Variants in PPFIA2 observed in about 807,000 individuals in gnomAD.
PPFIA2 encodes liprin-alpha-2.
A neutral mutation model predicts 175.5 loss-of-function variants in PPFIA2; 46 were observed. That is an observed-to-expected ratio of 0.26 (90% confidence interval 0.21 to 0.34). The LOEUF (loss-of-function observed/expected upper bound fraction) is 0.34, where lower values mean the gene tolerates loss of function less well. PPFIA2 is among the 10% of genes least tolerant of loss of function. The pLI, the probability that PPFIA2 is intolerant of heterozygous loss-of-function variation, is 1.00. For missense variants in PPFIA2, 1,179 were observed against 1,506.1 expected, an observed-to-expected ratio of 0.78 and a Z score of 3.60; for synonymous variants, 568 against 511.4, an observed-to-expected ratio of 1.11 and a Z score of -1.49.
intron 17 of PPFIA2, among the ~76,000 whole-genome samples, chr12:81,351,815 G>A (rs996420533): frequency 2.6e-5 from 4 of 151,920 alleles, no homozygotes; most frequent in African/African-American, 9.7e-5. Context: ...TGAGGTGGGA[G>A]AATTGCTTGA....
In PPFIA2 at chr12:81,533,715, CTATCTATCTATCTATCTATCTATA is replaced by C. The variant is rs751752310; in HGVS notation, c.304-75873_304-75850del. Reference sequence around the variant, plus strand: ...CAAATCTATCTATCTATCTATCTATCTATCTATCTATCTATCTATCTATATATCTATCTATCTACATATATATAT... The same window carrying C: ...CAAATCTATCTATCTATCTATCTATCTATCTATCTATCTACATATATATAT... On this transcript the variant is annotated intron_variant, in intron 4 of 32. Coordinates refer to ENST00000549396, the MANE Select transcript of PPFIA2 (RefSeq NM_003625.5). Among the ~76,000 whole-genome samples, 355 of 136,006 alleles carry C rather than the reference CTATCTATCTATCTATCTATCTATA, an allele frequency of 2.6e-3. 2 individuals are homozygous for C. Among genetic ancestry groups the C allele is most frequent in the African/African-American group, 5.4e-3 (192 of 35,422 alleles). The allele number at this position is 136,006 out of a possible 152,430, so 89.2% of individuals were successfully genotyped here.
At chr12:81,524,803 A>T (rs1171441717) in intron 4 of PPFIA2, among the ~76,000 whole-genome samples, 1 of 152,208 alleles carries the variant, frequency 6.6e-6, no homozygotes, top group East Asian at 1.9e-4. Context: ...CTTAAAATTC[A>T]TATGTTCAAA....
chr12:81,556,116 A>G (rs2068814969), intron 4 of PPFIA2, among the ~76,000 whole-genome samples: 4 of 152,042 alleles, frequency 2.6e-5, no homozygotes, highest in African/African-American at 9.6e-5. Context: ...TTTGGCTACT[A>G]TTTCCAAATA....
chr12:81,407,271 G>T (rs1375667996), intron 7 of PPFIA2, among the ~76,000 whole-genome samples: 1 of 152,030 alleles, frequency 6.6e-6, no homozygotes, highest in Non-Finnish European at 1.5e-5. Flanking sequence ...GATCACTTGA[G>T]GTCAGGAGTT....
intron 4 of PPFIA2, among the ~76,000 whole-genome samples, chr12:81,544,425 A>G (rs1368236139): frequency 2.6e-5 from 4 of 152,156 alleles, no homozygotes; most frequent in Non-Finnish European, 2.9e-5. Context: ...GTTTTTATGC[A>G]AATGACTATT....
intron 6 of PPFIA2, among the ~76,000 whole-genome samples, chr12:81,443,400 A>C (rs2050592519): frequency 1.3e-5 from 2 of 152,144 alleles, no homozygotes; most frequent in African/African-American, 4.8e-5. Flanking sequence ...AATGTTCAGA[A>C]TACCTATGGT....
At chr12:81,679,464 A>G (rs1171819255) in intron 3 of PPFIA2, among the ~76,000 whole-genome samples, 2 of 151,864 alleles carry the variant, frequency 1.3e-5, no homozygotes, top group African/African-American at 2.4e-5. Context: ...TTGATCATTA[A>G]GATTTCTTAT....
chr12:81,645,835 T>A (rs1282356465), intron 4 of PPFIA2, among the ~76,000 whole-genome samples: 1 of 152,234 alleles, frequency 6.6e-6, no homozygotes, highest in Non-Finnish European at 1.5e-5. Context: ...CCAAGGGAAG[T>A]CTGCACCTGC....
intron 4 of PPFIA2, among the ~76,000 whole-genome samples, chr12:81,639,180 T>C (rs1273700211): frequency 6.6e-6 from 1 of 152,122 alleles, no homozygotes; most frequent in Admixed American, 6.5e-5. Context: ...ATCTCTCTCA[T>C]GAAGAAACAA....
intron 4 of PPFIA2, among the ~76,000 whole-genome samples, chr12:81,507,621 A>C (rs2061321116): frequency 6.6e-6 from 1 of 152,204 alleles, no homozygotes. Context: ...CACATCCAGC[A>C]TATAACCACT....
chr12:81,527,235 TTTTC>T (rs2063832605), intron 4 of PPFIA2, among the ~76,000 whole-genome samples: 2 of 152,130 alleles, frequency 1.3e-5, no homozygotes, highest in African/African-American at 4.8e-5. Flanking sequence ...GCATCATTAC[TTTTC>T]TTTCTTTCCT....
intron 4 of PPFIA2, among the ~76,000 whole-genome samples, chr12:81,580,755 G>A (rs375610978): frequency 4.7e-4 from 71 of 151,518 alleles, no homozygotes; most frequent in African/African-American, 1.6e-3. Flanking sequence ...TGAATATATC[G>A]CCAACATAAA....
At chr12:81,471,764 C>T (rs1489777781) in intron 4 of PPFIA2, among the ~76,000 whole-genome samples, 1 of 152,114 alleles carries the variant, frequency 6.6e-6, no homozygotes, top group Non-Finnish European at 1.5e-5. Flanking sequence ...TTTCCACCAA[C>T]AGTGAATATG....
chr12:81,522,858 G>T (rs2063316057), intron 4 of PPFIA2, among the ~76,000 whole-genome samples: 1 of 152,150 alleles, frequency 6.6e-6, no homozygotes, highest in African/African-American at 2.4e-5. Context: ...TATTGGTTAA[G>T]GTAGTGGTAG....
At chr12:81,367,043 A>G (rs758603459) in intron 14 of PPFIA2, 65 bp downstream of exon 14, 255 of 1,387,922 alleles carry the variant, frequency 1.8e-4, no homozygotes, top group Non-Finnish European at 2.3e-4. Flanking sequence ...TTACAACAAA[A>G]CATTCATCAG....
At position 81,266,985 on chromosome 12, in the gene PPFIA2, G is replaced by A. The variant is rs375044915; in HGVS notation, c.3522C>T (p.Leu1174=). The A allele has an allele frequency of 1.2e-6, 2 of 1,613,194 alleles. No individual in the cohort carries two copies. The highest frequency in any genetic ancestry group is 1.7e-6 in the Non-Finnish European group (2 of 1,179,446). Residue 1174 remains leucine (L), a synonymous_variant, in exon 30 of 33, where the codon CTC becomes CTT. Transcript: ENST00000549396. Reference sequence around the variant, plus strand: ...GTCGCCTTTCAGTTCCCAGGGCCAAGAGGTTATTGTATTCTCTTTCAAGAA... The same window carrying A: ...GTCGCCTTTCAGTTCCCAGGGCCAAAAGGTTATTGTATTCTCTTTCAAGAA... The part of the protein sequence containing the change: ...RQILEREYNN[L]LALGTERRLD...
At chr12:81,513,810 A>C (rs530251225) in intron 4 of PPFIA2, among the ~76,000 whole-genome samples, 4 of 152,098 alleles carry the variant, frequency 2.6e-5, no homozygotes, top group Non-Finnish European at 5.9e-5. Flanking sequence ...TTGTCATAAG[A>C]ATGTTTTCTC....
At chr12:81,551,061 A>G (rs925806834) in intron 4 of PPFIA2, among the ~76,000 whole-genome samples, 1 of 151,300 alleles carries the variant, frequency 6.6e-6, no homozygotes. Flanking sequence ...TAGAGAAAGC[A>G]ACTTTATTGG....
chr12:81,643,115 T>G (rs1327495462), intron 4 of PPFIA2, among the ~76,000 whole-genome samples: 2 of 149,966 alleles, frequency 1.3e-5, no homozygotes, highest in South Asian at 4.1e-4. Context: ...ATATTCATTT[T>G]ATTCTTAAAA....
Sources: gnomAD v4.1 joint callset for allele counts (sites outside exome capture counted in the v4.1 genomes callset) on GRCh38, gnomAD v4.1.1 for gene constraint, MANE v1.5 for transcripts, NCBI Gene and HGNC (gene_info 2026-07-23, HGNC 2026-07-21) for gene names.